URGCP: variants seen among roughly 807,000 people sequenced by gnomAD.
URGCP encodes the protein upregulator of cell proliferation.
Under a neutral mutation model 24.6 loss-of-function variants are expected in URGCP, and 13 were observed. That is an observed-to-expected ratio of 0.53 (90% CI 0.34 to 0.84). The LOEUF (loss-of-function observed/expected upper bound fraction) is 0.84, where lower values mean the gene tolerates loss of function less well. URGCP is among the 40% of genes least tolerant of loss of function. The pLI, the probability that URGCP is intolerant of heterozygous loss-of-function variation, is 0.01. For synonymous variants in URGCP, 444 were observed against 487.2 expected, an observed-to-expected ratio of 0.91 and a Z score of 1.17; for missense variants, 899 against 1,194.3, an observed-to-expected ratio of 0.75 and a Z score of 3.64.
Position 43,920,032 on chromosome 7 carries a change from C to T in URGCP, c.-116+6100G>A, listed in dbSNP as rs1467126033. 8.3e-6 allele frequency: 11 copies of T among 1,320,784 alleles called. 1 individual carries two copies. Among genetic ancestry groups the T allele is most frequent in the Non-Finnish European group, 9.8e-6 (9 of 915,130 alleles). 81.8% of individuals were successfully genotyped at this position (1,320,784 alleles called of 1,614,324 possible). A position where few individuals can be genotyped will look rare whatever the true frequency, so the allele number is the denominator to read the frequency against. ...ACCACATGGCCACATGGCCAGACTA[C>T]ATCTCCTGGGGCACCCAGGAGCAGT... On this transcript the variant is annotated intron_variant, in intron 1 of 5. Coordinates refer to the URGCP transcript ENST00000426198.
chr7:43,909,056 T>C (rs1379716689), upstream of URGCP, among the ~76,000 whole-genome samples: 1 of 152,184 alleles, frequency 6.6e-6, no homozygotes, highest in Non-Finnish European at 1.5e-5. Flanking sequence ...AATATCCTTA[T>C]AGCCAAAACA....
intron 3 of URGCP, among the ~76,000 whole-genome samples, chr7:43,884,358 T>A (rs147652048): frequency 1.3e-5 from 2 of 152,234 alleles, no homozygotes; most frequent in African/African-American, 4.8e-5. Flanking sequence ...AGCCAACGTC[T>A]CCACTATACT....
chr7:43,926,638 G>A, upstream of URGCP: 3 of 1,409,770 alleles, frequency 2.1e-6, no homozygotes, highest in South Asian at 2.9e-5. Context: ...TGAAGTGAAA[G>A]GTGACGGAGG....
intron 3 of URGCP, among the ~76,000 whole-genome samples, chr7:43,883,335 T>TAC (rs1174123666): frequency 1.2e-4 from 15 of 124,806 alleles, no homozygotes; most frequent in Non-Finnish European, 2.4e-4. Flanking sequence ...TATATATATA[T>TAC]ACATATATAT....
chr7:43,909,495 G>A (rs2095907681), upstream of URGCP, among the ~76,000 whole-genome samples: 1 of 152,162 alleles, frequency 6.6e-6, no homozygotes, highest in African/African-American at 2.4e-5. Flanking sequence ...GGGAGGCCGA[G>A]GCGGGTGGAT....
Position 43,879,101 on chromosome 7 carries a change from T to C in URGCP, c.362A>G (p.Lys121Arg). 1 of 1,614,190 alleles carries C rather than the reference T, an allele frequency of 6.2e-7. No homozygotes were observed. Among genetic ancestry groups the C allele is most frequent in the Non-Finnish European group, 8.5e-7 (1 of 1,180,028 alleles). Residue 121 changes from lysine to arginine, a missense_variant, in exon 6 of 6, where the codon AAG becomes AGG. Transcript: ENST00000453200. Reference sequence around the variant, plus strand: ...GGCATCAGCATTGAGGGCCTGCAACTTCCTGAGGAAATTCCAGGGCAAGTC... The same window carrying C: ...GGCATCAGCATTGAGGGCCTGCAACCTCCTGAGGAAATTCCAGGGCAAGTC... The part of the protein sequence containing the change: ...PKDLPWNFLR[K>R]LQALNADARN...
At chr7:43,880,817 G>A (rs574835035) in intron 5 of URGCP, among the ~76,000 whole-genome samples, 2 of 152,212 alleles carry the variant, frequency 1.3e-5, no homozygotes, top group Non-Finnish European at 2.9e-5. Flanking sequence ...AGGAAGCAAC[G>A]TGTATGATAC....
chr7:43,887,565 C>G, intron 2 of URGCP, 80 bp from the exon 3 acceptor site: 3 of 1,549,798 alleles, frequency 1.9e-6, no homozygotes, highest in Non-Finnish European at 2.6e-6. Context: ...CATATAAAAT[C>G]TCTTGGAGAG....
At chr7:43,900,469 C>CAAAAAAAAA (rs759728715) in intron 1 of URGCP, among the ~76,000 whole-genome samples, 2 of 114,494 alleles carry the variant, frequency 1.7e-5, no homozygotes. Flanking sequence ...AAAACCAAAA[C>CAAAAAAAAA]AAAAAAAAAA....
chr7:43,919,369 CCTT>C, intron 1 of URGCP: 1 of 851,790 alleles, frequency 1.2e-6, no homozygotes, highest in Non-Finnish European at 2.1e-6. Context: ...CAGAACCCAT[CCTT>C]CTCTCAGACC....
intron 5 of URGCP, chr7:43,881,393 G>A (rs1272769556): frequency 8.2e-6 from 5 of 612,598 alleles, no homozygotes; most frequent in Admixed American, 3.0e-5. Flanking sequence ...CTCCAAACAT[G>A]CTAACTTATT....
Position 43,920,117 on chromosome 7 carries a change from T to G in URGCP, c.-116+6015A>C, listed in dbSNP as rs567706302. On this transcript the variant is annotated intron_variant, in intron 1 of 5. Transcript: ENST00000426198. The stretch of plus-strand genomic sequence containing the variant: ...CTGGTTGACCAAGGCCCTGCCTGAC[T>G]GACCACTCACTTAGAGCACAGATCA... 100 of 878,880 alleles carry G rather than the reference T, an allele frequency of 1.1e-4. 1 individual carries two copies. In the African/African-American group the frequency reaches 1.6e-3, roughly 14 times the overall value. The allele number at this position is 878,880 out of a possible 1,614,324, so 54.4% of individuals were successfully genotyped here.
At position 43,921,615 on chromosome 7, in the gene URGCP, A is replaced by C. The variant is rs531874468; in HGVS notation, c.-116+4517T>G. Among the ~76,000 whole-genome samples, 3 of 152,334 alleles carry C rather than the reference A, an allele frequency of 2.0e-5. No individual in the cohort carries two copies. In the East Asian group the frequency reaches 5.8e-4, roughly 29 times the overall value. On this transcript the variant is annotated intron_variant, in intron 1 of 5. Transcript: ENST00000426198. ...CAACTTGCCTACTTTACAACTTGGC[A>C]AGGCCCAGGACTTGGCAAGGGACTC... is the stretch of plus-strand genomic sequence containing the variant.
At chr7:43,920,040 G>T in intron 1 of URGCP, 1 of 1,310,168 alleles carries the variant, frequency 7.6e-7, no homozygotes, top group South Asian at 1.2e-5. Context: ...TACATCTCCT[G>T]GGGCACCCAG....
At chr7:43,920,354 G>A (rs2095920898) in intron 1 of URGCP, among the ~76,000 whole-genome samples, 2 of 152,166 alleles carry the variant, frequency 1.3e-5, no homozygotes, top group African/African-American at 2.4e-5. Flanking sequence ...GAAGTCATGA[G>A]TTCAAGACTA....
intron 1 of URGCP, among the ~76,000 whole-genome samples, chr7:43,897,448 C>T (rs901224901): frequency 2.8e-4 from 42 of 152,144 alleles, no homozygotes; most frequent in Non-Finnish European, 4.6e-4. Flanking sequence ...CCTAACGTAC[C>T]CAGGGACCAA....
intron 1 of URGCP, among the ~76,000 whole-genome samples, chr7:43,894,772 G>A (rs2095875948): frequency 6.6e-6 from 1 of 152,100 alleles, no homozygotes; most frequent in Admixed American, 6.6e-5. Flanking sequence ...GCTCATGAAT[G>A]TAATTATGGC....
rs755976348 is a variant in URGCP, at chr7:43,877,753, C to T, written c.1710G>A (p.Met570Ile). ...LSEKQYFLRWMEWGLARVAQP... is the reference protein window; with the variant it reads ...LSEKQYFLRWIEWGLARVAQP... ...GGGCCACCCGTGCCAGGCCCCACTC[C>T]ATCCACCTCAGGAAGTACTGCTTCT... The change falls in exon 6 of 6, where the codon ATG becomes ATA. Residue 570 changes from methionine (M) to isoleucine (I), a missense_variant. Met to Ile is a conservative substitution (Grantham distance 10). Transcript: ENST00000453200. 5 of 1,605,392 alleles carry T rather than the reference C, an allele frequency of 3.1e-6. No homozygotes were observed. The African/African-American group carries it at 6.7e-5, about 21-fold the overall frequency.
At chr7:43,920,890 T>C (rs929684669) in intron 1 of URGCP, among the ~76,000 whole-genome samples, 1 of 152,218 alleles carries the variant, frequency 6.6e-6, no homozygotes, top group Non-Finnish European at 1.5e-5. Context: ...GAAAACTGCA[T>C]GCTTTCCTAG....
Sources: gnomAD v4.1 joint callset for allele counts (sites outside exome capture counted in the v4.1 genomes callset) on GRCh38, gnomAD v4.1.1 for gene constraint, MANE v1.5 for transcripts, NCBI Gene and HGNC (gene_info 2026-07-23, HGNC 2026-07-21) for gene names.